The following ZDHHC5 variants were observed in gnomAD, a reference collection of about 807,000 sequenced individuals.
ZDHHC5 encodes the protein palmitoyltransferase ZDHHC5.
In ZDHHC5, 22 loss-of-function variants were observed where a neutral mutation model predicts 70.0. The ratio of observed to expected loss-of-function variants is 0.31; its 90% CI spans 0.22 to 0.45. The LOEUF (loss-of-function observed/expected upper bound fraction) is 0.45. Among genes scored for constraint, ZDHHC5 ranks in the 20% least tolerant of loss-of-function variants. The probability of loss-of-function intolerance (pLI) is 1.00; values close to 1 mark genes in which losing one functional copy is unlikely to be tolerated. For missense variants in ZDHHC5, 746 were observed against 926.9 expected (o/e 0.80, Z 2.53); for synonymous variants, 313 against 347.8 (o/e 0.90, Z 1.11).
At chr11:57,682,974 A>G (rs1946167060) in intron 3 of ZDHHC5, among the ~76,000 whole-genome samples, 1 of 152,244 alleles carries the variant, frequency 6.6e-6, no homozygotes, top group South Asian at 2.1e-4. Context: ...ACAATTGAGA[A>G]CAAAGAAATA....
At chr11:57,696,958 A>C in intron 10 of ZDHHC5, 85 bp downstream of exon 10, 1 of 1,382,298 alleles carries the variant, frequency 7.2e-7, no homozygotes, top group Non-Finnish European at 1.0e-6. Context: ...GCACTTTGGG[A>C]GCCCAAGGTG....
intron 2 of ZDHHC5, among the ~76,000 whole-genome samples, chr11:57,681,907 A>G (rs1388521323): frequency 6.6e-6 from 1 of 152,198 alleles, no homozygotes; most frequent in Non-Finnish European, 1.5e-5. Flanking sequence ...ATCCAATGCA[A>G]TGGAGATACT....
At chr11:57,696,222 T>C (rs1326321751) in intron 9 of ZDHHC5, among the ~76,000 whole-genome samples, 179 bp downstream of exon 9, 1 of 152,170 alleles carries the variant, frequency 6.6e-6, no homozygotes, top group Non-Finnish European at 1.5e-5. Flanking sequence ...CATTTAGCTA[T>C]TGGCAGTGAA....
At chr11:57,698,150 A>C (rs76049918) in intron 10 of ZDHHC5, among the ~76,000 whole-genome samples, 275 of 116,196 alleles carry the variant, frequency 2.4e-3, no homozygotes, top group East Asian at 0.012. Flanking sequence ...CACACACACA[A>C]ACAAATGCCA....
At chr11:57,678,983 G>A (rs1384455078) in intron 2 of ZDHHC5, among the ~76,000 whole-genome samples, 1 of 152,144 alleles carries the variant, frequency 6.6e-6, no homozygotes, top group East Asian at 1.9e-4. Flanking sequence ...GCATAGAGAA[G>A]TATTAATTGA....
At chr11:57,697,851 AG>A (rs1201140901) in intron 10 of ZDHHC5, among the ~76,000 whole-genome samples, 16 of 149,288 alleles carry the variant, frequency 1.1e-4, no homozygotes, top group Admixed American at 6.7e-4. Flanking sequence ...AAAAAAAAAA[AG>A]GCCAAGCACA....
rs375513395 is a variant in ZDHHC5 at position 57,696,916 on chromosome 11, G to C, written c.1122+43G>C. 3.8e-6 allele frequency: 6 copies of C among 1,590,952 alleles called. No individual in the cohort carries two copies. The African/African-American group carries it at 8.1e-5, about 21-fold the overall frequency. ...AGGTGGGGTAATAACATGCCAACTG[G>C]CCAGGCACAGTGGCTCATTCCTGTA... On this transcript the variant is annotated intron_variant, in intron 10 of 11. Transcript: ENST00000287169.
chr11:57,692,048 G>A lies in ZDHHC5; in HGVS notation c.661-563G>A, dbSNP rs192390328. On this transcript the variant is annotated intron_variant, in intron 6 of 11. Coordinates refer to ENST00000287169, the MANE Select transcript of ZDHHC5 (RefSeq NM_015457.3). Reference sequence around the variant, plus strand: ...TTGTCACCCAGGCTGGAGCCCACTGGCTGGAGCCCACTGGCTGGGGCGCAG... The same window carrying A: ...TTGTCACCCAGGCTGGAGCCCACTGACTGGAGCCCACTGGCTGGGGCGCAG... Among the ~76,000 whole-genome samples the A allele has an allele frequency of 2.4e-4, 37 of 152,138 alleles. 1 individual carries two copies. Among genetic ancestry groups the A allele is most frequent in the Admixed American group, 1.8e-3 (27 of 15,286 alleles).
At chr11:57,695,769 C>G in intron 8 of ZDHHC5, 151 bp from the exon 9 acceptor site, 1 of 1,070,190 alleles carries the variant, frequency 9.3e-7, no homozygotes. Flanking sequence ...GTACTCCAGC[C>G]TGGTCAACAG....
At chr11:57,687,278 A>G (rs1946219254) in intron 3 of ZDHHC5, among the ~76,000 whole-genome samples, 1 of 150,288 alleles carries the variant, frequency 6.7e-6, no homozygotes, top group Non-Finnish European at 1.5e-5. Context: ...CTAGGTTAAT[A>G]ATAAAAATTG....
At position 57,678,496 on chromosome 11, in the gene ZDHHC5, G is replaced by A. The variant is rs1220807338; in HGVS notation, c.105-3926G>A. Among the ~76,000 whole-genome samples the A allele has an allele frequency of 3.3e-5, 5 of 151,614 alleles. No individual in the cohort carries two copies. The East Asian group carries it at 9.7e-4, about 29-fold the overall frequency. ...TGAGGCAGGAAAATGGTGTGAACCC[G>A]GGAGGCGGAGCTTGCAGTGAGCCGA... is the stretch of plus-strand genomic sequence containing the variant. On this transcript the variant is annotated intron_variant, in intron 2 of 11. Transcript: ENST00000287169.
chr11:57,686,107 A>G lies in ZDHHC5; in HGVS notation c.227-2401A>G, dbSNP rs113683022. ...AGATGATGATGTAGAAGGATCAGACATTTCAAAATAAGGAGCATTGCAACT... is the reference window on the plus strand; with the variant it reads ...AGATGATGATGTAGAAGGATCAGACGTTTCAAAATAAGGAGCATTGCAACT... On this transcript the variant is annotated intron_variant, in intron 3 of 11. Coordinates refer to ENST00000287169, the MANE Select transcript of ZDHHC5 (RefSeq NM_015457.3). Among the ~76,000 whole-genome samples, 406 of 152,236 alleles carry G rather than the reference A, an allele frequency of 2.7e-3. 3 individuals are homozygous for G. The highest frequency in any genetic ancestry group is 8.9e-3 in the African/African-American group (370 of 41,570).
chr11:57,682,059 AGT>A (rs1344841972), intron 2 of ZDHHC5, among the ~76,000 whole-genome samples: 8 of 152,316 alleles, frequency 5.3e-5, no homozygotes, highest in African/African-American at 1.9e-4. Context: ...CAGAGAAGGG[AGT>A]GTAGCTGATA....
chr11:57,696,919 A>AG (rs1946360285), intron 10 of ZDHHC5, 46 bp downstream of exon 10: 1 of 1,584,210 alleles, frequency 6.3e-7, no homozygotes, highest in African/African-American at 1.3e-5. Context: ...CCAACTGGCC[A>AG]GGCACAGTGG....
chr11:57,669,190 C>T (rs1360598710), intron 1 of ZDHHC5, among the ~76,000 whole-genome samples: 3 of 152,196 alleles, frequency 2.0e-5, no homozygotes, highest in Non-Finnish European at 2.9e-5. Context: ...AACTTCTTGG[C>T]TCTTTCTCCC....
Position 57,698,861 on chromosome 11 carries a change from A to G in ZDHHC5, c.1425A>G (p.Thr475=), listed in dbSNP as rs763160181. The G allele has an allele frequency of 6.2e-7, 1 of 1,614,100 alleles. No homozygotes were observed. Among genetic ancestry groups the G allele is most frequent in the Non-Finnish European group, 8.5e-7 (1 of 1,180,014 alleles). Residue 475 remains threonine (T), a synonymous_variant, in exon 11 of 12, where the codon ACA becomes ACG. Transcript: ENST00000287169. ...GCCTATCTTATGACAGCTTGCTCACACCTTCAGACAGCCCTGATTTTGAGT... is the reference window on the plus strand; with the variant it reads ...GCCTATCTTATGACAGCTTGCTCACGCCTTCAGACAGCCCTGATTTTGAGT... The part of the protein sequence containing the change: ...NGSLSYDSLL[T]PSDSPDFESV...
In ZDHHC5 at chr11:57,678,036, A is replaced by T. The variant is rs184976982; in HGVS notation, c.105-4386A>T. 2.0e-4 allele frequency among the ~76,000 whole-genome samples: 31 copies of T among 152,320 alleles called. No individual in the cohort carries two copies. The East Asian group carries it at 2.9e-3, about 14-fold the overall frequency. ...AAAGGATTTCTAAATGAGGATCCCC[A>T]TGGGCAGGAAGTGGAACATTCATTT... On this transcript the variant is annotated intron_variant, in intron 2 of 11. Transcript: ENST00000287169.
intron 10 of ZDHHC5, among the ~76,000 whole-genome samples, chr11:57,697,306 CA>C (rs1207819356): frequency 6.6e-6 from 1 of 150,896 alleles, no homozygotes; most frequent in Non-Finnish European, 1.5e-5. Flanking sequence ...ACTAAAAATA[CA>C]AAAAAATTAG....
In ZDHHC5 at chr11:57,672,458, G is replaced by A. The variant is rs942616036; in HGVS notation, c.-633G>A. The stretch of plus-strand genomic sequence containing the variant: ...CTGGTGAAGTCAGGGTGTGGGAGTG[G>A]TGGCATTGAGAAGACTACCTAAAAG... On this transcript the variant is annotated 5_prime_UTR_variant, in exon 2 of 12. The change creates a new upstream start codon in the 5' untranslated region. Coordinates refer to ENST00000287169, the MANE Select transcript of ZDHHC5 (RefSeq NM_015457.3). The A allele has an allele frequency of 1.0e-5, 4 of 382,150 alleles. No individual in the cohort carries two copies. The highest frequency in any genetic ancestry group is 1.8e-5 in the Non-Finnish European group (4 of 216,348). 23.7% of individuals were successfully genotyped at this position (382,150 alleles called of 1,614,324 possible).
Sources: gnomAD v4.1 joint callset for allele counts (sites outside exome capture counted in the v4.1 genomes callset) on GRCh38, gnomAD v4.1.1 for gene constraint, MANE v1.5 for transcripts, NCBI Gene and HGNC (gene_info 2026-07-23, HGNC 2026-07-21) for gene names.